The following DCC variants were observed in gnomAD, a reference collection of about 807,000 sequenced individuals.
The protein encoded by DCC is netrin receptor DCC.
Under a neutral mutation model 172.5 loss-of-function variants are expected in DCC, and 58 were observed. That is an observed-to-expected ratio of 0.34 (90% CI 0.27 to 0.42). The LOEUF is 0.42. Ranked by LOEUF, DCC falls within the 10% of genes least tolerant of loss-of-function variation. DCC has a pLI of 1.00. For missense variants in DCC, 1,740 were observed against 1,791.0 expected (o/e 0.97, Z 0.51); for synonymous variants, 709 against 644.5 (o/e 1.10, Z -1.52).
At chr18:53,019,035 A>T (rs548471905) in intron 5 of DCC, among the ~76,000 whole-genome samples, 2 of 152,188 alleles carry the variant, frequency 1.3e-5, no homozygotes, top group Non-Finnish European at 2.9e-5. Context: ...TGAATTTTGT[A>T]GGAGAAAACT....
intron 13 of DCC, among the ~76,000 whole-genome samples, chr18:53,314,027 A>C (rs1386395072): frequency 1.3e-5 from 2 of 152,228 alleles, no homozygotes; most frequent in Non-Finnish European, 2.9e-5. Flanking sequence ...GATTTTATAA[A>C]TCACTTTTAC....
chr18:52,499,038 T>TC (rs1330956854), intron 1 of DCC, among the ~76,000 whole-genome samples: 1 of 152,210 alleles, frequency 6.6e-6, no homozygotes, highest in Non-Finnish European at 1.5e-5. Context: ...GGAATCATTT[T>TC]CCTGTCCATG....
chr18:53,057,990 T>C lies in DCC; in HGVS notation c.986-5315T>C, dbSNP rs151031719. Among the ~76,000 whole-genome samples, 272 of 151,968 alleles carry C rather than the reference T, an allele frequency of 1.8e-3. 1 individual carries two copies. Among genetic ancestry groups the C allele is most frequent in the African/African-American group, 6.3e-3 (261 of 41,492 alleles). ...GAAGCAGAAGAAAGCTACTCTCAGC[T>C]TCATGGAACGTTATGGAAAAGGGAT... On this transcript the variant is annotated intron_variant, in intron 5 of 28. Transcript: ENST00000442544.
chr18:53,239,217 A>T (rs1184657107), intron 12 of DCC, among the ~76,000 whole-genome samples: 1 of 150,496 alleles, frequency 6.6e-6, no homozygotes, highest in Non-Finnish European at 1.5e-5. Context: ...AATAAATAAA[A>T]AATAAAAATG....
At chr18:52,897,141 C>T (rs921658292) in intron 2 of DCC, among the ~76,000 whole-genome samples, 7 of 152,122 alleles carry the variant, frequency 4.6e-5, no homozygotes, top group Middle Eastern at 3.2e-3. Context: ...CCCAAATGGC[C>T]GTCTGTTTCT....
At chr18:52,597,398 T>C (rs1475540751) in intron 1 of DCC, among the ~76,000 whole-genome samples, 1 of 152,218 alleles carries the variant, frequency 6.6e-6, no homozygotes, top group Admixed American at 6.5e-5. Context: ...CAAAGAATAT[T>C]GTTGCAGCCC....
At chr18:52,588,735 AC>A (rs146330707) in intron 1 of DCC, among the ~76,000 whole-genome samples, 41,844 of 151,988 alleles carry the variant, frequency 0.28, 6,527 homozygotes, top group Middle Eastern at 0.38. Context: ...CTGTATAAAG[AC>A]CCAGTGGAAG....
At chr18:53,397,762 T>C (rs11082992) in intron 18 of DCC, among the ~76,000 whole-genome samples, 64,421 of 151,976 alleles carry the variant, frequency 0.42, 15,433 homozygotes, top group Non-Finnish European at 0.55. Flanking sequence ...CCAATGAACT[T>C]GGTCCAAAAC....
chr18:52,452,484 A>G (rs887026212), intron 1 of DCC, among the ~76,000 whole-genome samples: 4 of 152,196 alleles, frequency 2.6e-5, no homozygotes, highest in African/African-American at 9.7e-5. Flanking sequence ...TAATTGATCC[A>G]TGGCCTCTAC....
intron 27 of DCC, among the ~76,000 whole-genome samples, chr18:53,505,948 T>C (rs548612247): frequency 3.4e-4 from 52 of 152,324 alleles, no homozygotes; most frequent in Non-Finnish European, 6.6e-4. Flanking sequence ...AAATAAAGCA[T>C]CTTTTTAAAA....
chr18:52,540,709 C>A lies in DCC; in HGVS notation c.91+199831C>A, dbSNP rs189016292. On this transcript the variant is annotated intron_variant, in intron 1 of 28. Transcript: ENST00000442544. ...GCAAGCTCCACCTCCCGGGTTCATG[C>A]CATTCTCCTGCCTCAGCCTCCTGTG... Among the ~76,000 whole-genome samples the A allele has an allele frequency of 1.9e-3, 270 of 140,056 alleles. 3 individuals carry two copies. The highest frequency in any genetic ancestry group is 6.0e-3 in the African/African-American group (228 of 38,068). 91.9% of individuals were successfully genotyped at this position (140,056 alleles called of 152,430 possible). A position where few individuals can be genotyped will look rare whatever the true frequency, so the allele number is the denominator to read the frequency against.
chr18:52,556,744 T>C (rs985941332), intron 1 of DCC, among the ~76,000 whole-genome samples: 2 of 152,034 alleles, frequency 1.3e-5, no homozygotes, highest in Non-Finnish European at 2.9e-5. Context: ...ACCTCATGAA[T>C]AATTGCACAT....
chr18:53,164,761 A>G (rs1185734803), intron 8 of DCC, among the ~76,000 whole-genome samples: 7 of 152,204 alleles, frequency 4.6e-5, no homozygotes, highest in Non-Finnish European at 8.8e-5. Context: ...TGGGTTGAAA[A>G]TTAAAATAAC....
At chr18:53,414,641 G>A (rs1910195871) in intron 20 of DCC, among the ~76,000 whole-genome samples, 1 of 152,162 alleles carries the variant, frequency 6.6e-6, no homozygotes, top group Non-Finnish European at 1.5e-5. Context: ...GAGGTCAGGA[G>A]ATCGAGACCA....
chr18:52,804,798 G>C (rs890336288), intron 2 of DCC, among the ~76,000 whole-genome samples: 7 of 152,172 alleles, frequency 4.6e-5, no homozygotes, highest in Admixed American at 4.6e-4. Context: ...TGGCCAGGAT[G>C]ATGTCGATCT....
intron 12 of DCC, among the ~76,000 whole-genome samples, chr18:53,219,542 A>G (rs1598917720): frequency 6.6e-6 from 1 of 152,072 alleles, no homozygotes; most frequent in African/African-American, 2.4e-5. Context: ...GATTCCTCTC[A>G]TTATATCACC....
At chr18:52,347,480 A>T (rs1309337641) in intron 1 of DCC, among the ~76,000 whole-genome samples, 1 of 152,094 alleles carries the variant, frequency 6.6e-6, no homozygotes, top group African/African-American at 2.4e-5. Flanking sequence ...TATTTTTCCC[A>T]TCAATTGACC....
intron 1 of DCC, among the ~76,000 whole-genome samples, chr18:52,748,194 G>A (rs2036938479): frequency 6.6e-6 from 1 of 152,206 alleles, no homozygotes. Context: ...CGGCACAGGC[G>A]CTGGTTCCCT....
At position 52,702,379 on chromosome 18, in the gene DCC, C is replaced by G. The variant is rs571057179; in HGVS notation, c.92-49675C>G. Among the ~76,000 whole-genome samples the G allele has an allele frequency of 2.8e-4, 42 of 152,220 alleles. No homozygotes were observed. In the South Asian group the frequency reaches 8.7e-3, roughly 32 times the overall value. Reference sequence around the variant, plus strand: ...CTCTTACCTCCTTTGAAAGCCACCCCAAAACTAGAATCATGACCAGGTTCC... The same window carrying G: ...CTCTTACCTCCTTTGAAAGCCACCCGAAAACTAGAATCATGACCAGGTTCC... On this transcript the variant is annotated intron_variant, in intron 1 of 28. Coordinates refer to ENST00000442544, the MANE Select transcript of DCC (RefSeq NM_005215.4).
Sources: allele counts gnomAD v4.1 joint callset (sites outside exome capture counted in the v4.1 genomes callset), GRCh38; gene constraint gnomAD v4.1.1; transcripts MANE v1.5; gene names NCBI Gene and HGNC (gene_info 2026-07-23, HGNC 2026-07-21).